The following PAXBP1 variants were observed in gnomAD, a reference collection of about 807,000 sequenced individuals.
PAXBP1 encodes PAX3- and PAX7-binding protein 1.
PAXBP1 carries 44 observed loss-of-function variants against 119.9 expected under a neutral mutation model. The observed-to-expected ratio is 0.37, with a 90% confidence interval of 0.29 to 0.47. The LOEUF is 0.47. Ranked by LOEUF, PAXBP1 falls within the 20% of genes least tolerant of loss-of-function variation. The pLI, the probability that PAXBP1 is intolerant of heterozygous loss-of-function variation, is 0.99. For missense variants in PAXBP1, 898 were observed against 1,134.1 expected, an observed-to-expected ratio of 0.79 and a Z score of 2.99; for synonymous variants, 393 against 406.6, an observed-to-expected ratio of 0.97 and a Z score of 0.40.
intron 15 of PAXBP1, among the ~76,000 whole-genome samples, chr21:32,740,070 C>A (rs2043758273): frequency 6.7e-6 from 1 of 150,026 alleles, no homozygotes; most frequent in East Asian, 2.0e-4. Flanking sequence ...AGGGAAATAT[C>A]TTGGGCCTCT....
At chr21:32,749,092 C>T (rs2043919770) in intron 10 of PAXBP1, among the ~76,000 whole-genome samples, 1 of 152,150 alleles carries the variant, frequency 6.6e-6, no homozygotes, top group Admixed American at 6.5e-5. Context: ...TCACTAATCA[C>T]ATTGCTTCAT....
rs2043860672 is a variant in PAXBP1 at position 32,745,637 on chromosome 21, C to T, written c.2005G>A (p.Asp669Asn). 6.2e-7 allele frequency: 1 copy of T among 1,614,060 alleles called. No homozygotes were observed. Residue 669 changes from aspartate to asparagine, a missense_variant, in exon 12 of 18, where the codon GAT (aspartate) becomes AAT (asparagine). Around this residue, in one of 2 missense-constraint regions of PAXBP1, gnomAD observed 599 missense variants for 852.7 expected, o/e 0.70. Transcript: ENST00000331923. The stretch of plus-strand genomic sequence containing the variant: ...GGTAGTAGGGCAACATCTACATCAT[C>T]TTTTTCTTGCTCTCGTTCTTCACAA... Reference protein sequence around the residue: ...YGCEEREQEKDDVDVALLPTI... With the variant: ...YGCEEREQEKNDVDVALLPTI...
rs532173472 is a variant in PAXBP1 at position 32,752,939 on chromosome 21, CT to C, written c.1508-1722del. Among the ~76,000 whole-genome samples the C allele has an allele frequency of 7.5e-5, 11 of 147,420 alleles. 1 individual carries two copies. Among genetic ancestry groups the C allele is most frequent in the Middle Eastern group, 3.4e-3 (1 of 290 alleles). On this transcript the variant is annotated intron_variant, in intron 8 of 17. Transcript: ENST00000331923. ...AGACCCTACTATTTTTAAAAGTTGA[CT>C]TTTTTTTTTACTGAGTTTTTCATTC...
At chr21:32,755,089 T>C in intron 8 of PAXBP1, 141 bp downstream of exon 8, 1 of 1,018,726 alleles carries the variant, frequency 9.8e-7, no homozygotes, top group Non-Finnish European at 1.3e-6. Flanking sequence ...TTACCATTTT[T>C]AGATCTACCT....
At position 32,762,163 on chromosome 21, in the gene PAXBP1, A is replaced by G. The variant is rs2044160094; in HGVS notation, c.804T>C (p.Asp268=). Residue 268 remains aspartate, a synonymous_variant, in exon 4 of 18, where the codon GAT becomes GAC. Coordinates refer to ENST00000331923, the MANE Select transcript of PAXBP1 (RefSeq NM_016631.4). ...ENDASDDEDD[D]EKRRIVFSVK... is the part of the protein sequence containing the mutation. ...CAGAAAAAACTATCCGGCGTTTCTCATCGTCATCTTCATCATCACTGGCAT... is the reference window on the plus strand; with the variant it reads ...CAGAAAAAACTATCCGGCGTTTCTCGTCGTCATCTTCATCATCACTGGCAT... 1 of 1,614,070 alleles carries G rather than the reference A, an allele frequency of 6.2e-7. No homozygotes were observed. Among genetic ancestry groups the G allele is most frequent in the Non-Finnish European group, 8.5e-7 (1 of 1,179,922 alleles).
chr21:32,734,832 A>C lies in PAXBP1; in HGVS notation c.*118T>G. 1.3e-6 allele frequency: 1 copy of C among 752,008 alleles called. No homozygotes were observed. The highest frequency in any genetic ancestry group is 3.6e-4 in the Middle Eastern group (1 of 2,780). The allele number at this position is 752,008 out of a possible 1,614,324, so 46.6% of individuals were successfully genotyped here. On this transcript the variant is annotated 3_prime_UTR_variant, in exon 18 of 18. Transcript: ENST00000331923. Reference sequence around the variant, plus strand: ...CATTTAAGGACACAGTATTGAATATAATGTTTTTTGTATTAAAACAAGAAT... The same window carrying C: ...CATTTAAGGACACAGTATTGAATATCATGTTTTTTGTATTAAAACAAGAAT...
At chr21:32,747,318 A>C (rs536723423) in intron 11 of PAXBP1, among the ~76,000 whole-genome samples, 2 of 152,174 alleles carry the variant, frequency 1.3e-5, no homozygotes, top group Non-Finnish European at 1.5e-5. Flanking sequence ...AAGGAATCAA[A>C]TGAGGTGAGA....
Position 32,751,228 on chromosome 21 carries a change from A to T in PAXBP1, c.1508-10T>A, listed in dbSNP as rs2042429925. On this transcript the variant is annotated splice_polypyrimidine_tract_variant and intron_variant, in intron 8 of 17. Coordinates refer to ENST00000331923, the MANE Select transcript of PAXBP1 (RefSeq NM_016631.4). ...GCCATCAGAGCTTTGTCTGCAAAAC[A>T]ACAACAGTTAAAATTAAAAGCCATC... 6.2e-7 allele frequency: 1 copy of T among 1,612,750 alleles called. No individual in the cohort carries two copies. Among genetic ancestry groups the T allele is most frequent in the Admixed American group, 1.7e-5 (1 of 60,006 alleles).
At position 32,759,893 on chromosome 21, in the gene PAXBP1, G is replaced by T; in HGVS notation, c.1077C>A (p.Ala359=). Residue 359 remains alanine (A), a synonymous_variant, in exon 6 of 18, where the codon GCC becomes GCA. Transcript: ENST00000331923. Reference sequence around the variant, plus strand: ...GAGATTTGGCATCTGATGATCCATAGGCCGTATAACTATAAGGAATGCCAT... The same window carrying T: ...GAGATTTGGCATCTGATGATCCATATGCCGTATAACTATAAGGAATGCCAT... ...SSYGIPYSYT[A]YGSSDAKSQK... is the part of the protein sequence containing the mutation. 1 of 1,613,626 alleles carries T rather than the reference G, an allele frequency of 6.2e-7. No homozygotes were observed.
chr21:32,756,520 C>A (rs919495044), intron 7 of PAXBP1: 3 of 392,020 alleles, frequency 7.7e-6, no homozygotes, highest in African/African-American at 2.2e-5. Flanking sequence ...ATATGCCACA[C>A]CATGGGCAAC....
At chr21:32,755,869 C>T (rs759470232) in intron 7 of PAXBP1, 14 of 171,622 alleles carry the variant, frequency 8.2e-5, no homozygotes, top group Non-Finnish European at 1.7e-4. Context: ...TCATATGTAC[C>T]AAGTACGTTA....
chr21:32,762,434 G>A (rs2044165295), intron 3 of PAXBP1, 117 bp from the exon 4 acceptor site: 2 of 1,346,198 alleles, frequency 1.5e-6, no homozygotes, highest in East Asian at 5.0e-5. Context: ...TTCAGCTGCT[G>A]GCACCTCCTT....
At chr21:32,759,746 G>A (rs751650945) in intron 6 of PAXBP1, 31 bp downstream of exon 6, 3 of 1,559,044 alleles carry the variant, frequency 1.9e-6, no homozygotes, top group African/African-American at 2.7e-5. Flanking sequence ...AAAGCTAGCG[G>A]ACAGGTCTTT....
intron 3 of PAXBP1, among the ~76,000 whole-genome samples, chr21:32,763,734 C>A (rs1211351304): frequency 1.3e-5 from 2 of 152,078 alleles, no homozygotes; most frequent in Admixed American, 1.3e-4. Flanking sequence ...GCCTGTAATC[C>A]CAGCACTTTG....
intron 14 of PAXBP1, 74 bp from the exon 15 acceptor site, chr21:32,743,388 G>A (rs1601587469): frequency 3.0e-6 from 3 of 1,015,270 alleles, no homozygotes; most frequent in Admixed American, 3.1e-5. Flanking sequence ...CTGGACAAAA[G>A]ATTTTTCTAC....
At chr21:32,765,556 G>A (rs1490438734) in intron 2 of PAXBP1, among the ~76,000 whole-genome samples, 1 of 152,106 alleles carries the variant, frequency 6.6e-6, no homozygotes, top group African/African-American at 2.4e-5. Context: ...CATTTCCTTA[G>A]AATGTTCCTG....
At chr21:32,738,455 A>C (rs1244278079) in intron 15 of PAXBP1, 136 bp from the exon 16 acceptor site, 2 of 688,270 alleles carry the variant, frequency 2.9e-6, no homozygotes, top group African/African-American at 1.9e-5. Flanking sequence ...AATACTTTCA[A>C]AGGTACAGAT....
At chr21:32,767,683 C>A (rs930327015) in intron 2 of PAXBP1, among the ~76,000 whole-genome samples, 3 of 152,280 alleles carry the variant, frequency 2.0e-5, no homozygotes, top group South Asian at 2.1e-4. Context: ...TTGCTTCCTC[C>A]TCATTTTCTC....
At chr21:32,739,773 G>T (rs2043749615) in intron 15 of PAXBP1, among the ~76,000 whole-genome samples, 1 of 151,304 alleles carries the variant, frequency 6.6e-6, no homozygotes, top group Non-Finnish European at 1.5e-5. Flanking sequence ...GGGCGTGGTG[G>T]TGGGCGCCTG....
Sources: allele counts gnomAD v4.1 joint callset (sites outside exome capture counted in the v4.1 genomes callset), GRCh38; gene constraint gnomAD v4.1.1; regional missense constraint gnomAD v4.1.1; transcripts MANE v1.5; gene names NCBI Gene and HGNC (gene_info 2026-07-23, HGNC 2026-07-21).